Variants in NFATC1 observed in about 807,000 individuals in gnomAD.
The protein encoded by NFATC1 is nuclear factor of activated T cells 1, also known as nuclear factor of activated T-cells, cytoplasmic 1.
NFATC1 carries 22 observed loss-of-function variants against 76.0 expected under a neutral mutation model. The observed-to-expected ratio is 0.29, with a 90% CI of 0.21 to 0.41. NFATC1 has a LOEUF of 0.41. NFATC1 is among the 10% of genes least tolerant of loss of function. NFATC1 has a pLI of 1.00. For synonymous variants in NFATC1, 704 were observed against 613.1 expected, an observed-to-expected ratio of 1.15 and a Z score of -2.19; for missense variants, 1,357 against 1,337.7, an observed-to-expected ratio of 1.01 and a Z score of -0.23.
intron 6 of NFATC1, among the ~76,000 whole-genome samples, chr18:79,456,333 C>T (rs1019109487): frequency 1.3e-5 from 2 of 152,222 alleles, no homozygotes; most frequent in Non-Finnish European, 1.5e-5. Context: ...AGGCAAGGAC[C>T]CTCCTGTCCG....
intron 8 of NFATC1, among the ~76,000 whole-genome samples, chr18:79,483,953 C>T (rs2089418473): frequency 7.0e-6 from 1 of 142,768 alleles, no homozygotes; most frequent in Non-Finnish European, 1.5e-5. Flanking sequence ...CCTGGGGTGT[C>T]ACTCCAGGGT....
At chr18:79,514,564 CAAAAAAAAAAAAAA>C (rs61341859) in intron 9 of NFATC1, among the ~76,000 whole-genome samples, 1 of 47,238 alleles carries the variant, frequency 2.1e-5, no homozygotes, top group Non-Finnish European at 3.4e-5. Flanking sequence ...GACCCTGCCT[CAAAAAAAAAAAAAA>C]AAAAAAAAAA....
At chr18:79,460,345 T>C (rs749047082) in intron 6 of NFATC1, among the ~76,000 whole-genome samples, 14 of 152,256 alleles carry the variant, frequency 9.2e-5, no homozygotes, top group Non-Finnish European at 1.9e-4. Context: ...GAACAGACTT[T>C]ATTTTGGAGA....
chr18:79,400,546 C>A (rs1600574767), intron 1 of NFATC1: 6 of 1,259,308 alleles, frequency 4.8e-6, no homozygotes, highest in South Asian at 2.3e-5. Context: ...CCCAGGCCCC[C>A]TCCGCGTCCT....
In NFATC1 at chr18:79,475,496, G is replaced by A. The variant is rs1480456556; in HGVS notation, c.2092+7914G>A. On this transcript the variant is annotated intron_variant, in intron 8 of 9. Transcript: ENST00000427363. ...GGGTGTTTTCACGCTCACTGTCGACGTTGCGATGGAAGCGTGTTCTCATGC... is the reference window on the plus strand; with the variant it reads ...GGGTGTTTTCACGCTCACTGTCGACATTGCGATGGAAGCGTGTTCTCATGC... Among the ~76,000 whole-genome samples, 5 of 150,536 alleles carry A rather than the reference G, an allele frequency of 3.3e-5. No homozygotes were observed. The South Asian group carries it at 6.3e-4, about 19-fold the overall frequency.
intron 2 of NFATC1, among the ~76,000 whole-genome samples, chr18:79,432,924 TCA>T (rs914262455): frequency 6.6e-6 from 1 of 152,188 alleles, no homozygotes; most frequent in African/African-American, 2.4e-5. Flanking sequence ...CCAGCACCTG[TCA>T]CCCGCCAGGT....
chr18:79,468,913 A>ACCCCCAGGATTGTGGGG (rs1568999909), intron 8 of NFATC1: 1 of 129,884 alleles, frequency 7.7e-6, no homozygotes, highest in African/African-American at 3.7e-5. Context: ...GATTGTGGGG[A>ACCCCCAGGATTGTGGGG]AGAGCCTCAT....
At chr18:79,407,421 T>G (rs1193382332) in intron 1 of NFATC1, among the ~76,000 whole-genome samples, 2 of 152,162 alleles carry the variant, frequency 1.3e-5, no homozygotes, top group Admixed American at 1.3e-4. Context: ...CCTGTGGCTC[T>G]GGGGAAAGAA....
At chr18:79,397,986 C>T (rs528456072) in intron 1 of NFATC1, among the ~76,000 whole-genome samples, 3 of 152,284 alleles carry the variant, frequency 2.0e-5, no homozygotes, top group Non-Finnish European at 4.4e-5. Context: ...ACACACAGGC[C>T]GGCAGCATGG....
chr18:79,458,992 G>T (rs2087903535), intron 6 of NFATC1, among the ~76,000 whole-genome samples: 1 of 152,212 alleles, frequency 6.6e-6, no homozygotes, highest in African/African-American at 2.4e-5. Context: ...CCTCACCCTG[G>T]TCGACCTGAA....
Position 79,410,876 on chromosome 18 carries a change from C to G in NFATC1, c.601C>G (p.Gln201Glu), listed in dbSNP as rs1472963163. The change falls in exon 2 of 10, where the codon CAG becomes GAG. Residue 201 changes from glutamine (Q) to glutamate (E), a missense_variant. This residue lies in a region of NFATC1 where 691 missense variants were observed against 613.1 expected (regional missense o/e 1.13). Transcript: ENST00000427363. The surrounding 1 kb of genome is among the most constrained non-coding windows in gnomAD (Gnocchi z 6.7). ...CTACTCGTACCCGTACGCGTCCCCC[C>G]AGACGTCGCCATGGCAGTCTCCCTG... ...SNYSYPYASP[Q>E]TSPWQSPCVS... is the part of the protein sequence containing the mutation. 31 of 1,609,270 alleles carry G rather than the reference C, an allele frequency of 1.9e-5. No homozygotes were observed. The highest frequency in any genetic ancestry group is 2.6e-5 in the Non-Finnish European group (31 of 1,178,676).
At chr18:79,431,996 C>T (rs553844481) in intron 2 of NFATC1, among the ~76,000 whole-genome samples, 23 of 152,346 alleles carry the variant, frequency 1.5e-4, no homozygotes, top group African/African-American at 4.3e-4. Context: ...CCACCATGCC[C>T]GGCCCTTGTT....
chr18:79,412,657 A>G (rs1600629515), intron 2 of NFATC1, among the ~76,000 whole-genome samples: 1 of 152,094 alleles, frequency 6.6e-6, no homozygotes, highest in Non-Finnish European at 1.5e-5. Context: ...TAGAGCTACA[A>G]GCAGTAACAA....
chr18:79,484,298 C>A (rs908150462), intron 8 of NFATC1, among the ~76,000 whole-genome samples: 3 of 152,086 alleles, frequency 2.0e-5, no homozygotes, highest in African/African-American at 7.2e-5. Context: ...AGGCCTGGCA[C>A]GACCCTCAGC....
intron 9 of NFATC1, among the ~76,000 whole-genome samples, chr18:79,508,640 G>GGTCTGTCTCTTTCTCA (rs2090172739): frequency 6.6e-6 from 1 of 150,722 alleles, no homozygotes; most frequent in Non-Finnish European, 1.5e-5. Context: ...TCTGTCTCTC[G>GGTCTGTCTCTTTCTCA]GTCTGTCTCT....
intron 9 of NFATC1, among the ~76,000 whole-genome samples, chr18:79,493,180 C>T (rs2089741732): frequency 6.6e-6 from 1 of 152,238 alleles, no homozygotes; most frequent in Admixed American, 6.5e-5. Flanking sequence ...AATGTGATCT[C>T]CACGCATTCC....
chr18:79,482,080 G>A (rs2089295584), intron 8 of NFATC1, among the ~76,000 whole-genome samples: 1 of 141,090 alleles, frequency 7.1e-6, no homozygotes, highest in South Asian at 2.3e-4. Flanking sequence ...GCATGACCTG[G>A]TTCCTGAGGT....
rs754937987 is a variant in NFATC1, at chr18:79,411,357, C to A, written c.1082C>A (p.Pro361Gln). The change falls in exon 2 of 10, where the codon CCG becomes CAG. Residue 361 changes from proline to glutamine, a missense_variant. Physicochemically the swap from Pro to Gln is moderately conservative, Grantham distance 76 (BLOSUM62 -1). Around this residue, in one of 3 missense-constraint regions of NFATC1, gnomAD observed 691 missense variants for 613.1 expected, o/e 1.13. Transcript: ENST00000427363. ...GTCGGGGAGGACCTGGGCAGCCCCC[C>A]GCCCCCGGCCGACTTCGCGCCCGAA... The part of the protein sequence containing the change: ...EPVGEDLGSP[P>Q]PPADFAPEDY... 6 of 1,588,066 alleles carry A rather than the reference C, an allele frequency of 3.8e-6. No homozygotes were observed. The highest frequency in any genetic ancestry group is 4.3e-6 in the Non-Finnish European group (5 of 1,169,954).
intron 8 of NFATC1, among the ~76,000 whole-genome samples, chr18:79,483,113 C>A (rs1244203888): frequency 1.1e-5 from 1 of 89,988 alleles, no homozygotes; most frequent in Non-Finnish European, 2.2e-5. Flanking sequence ...TGACCTGGTT[C>A]CTGGGGTGTA....
Sources: gnomAD v4.1 joint callset for allele counts (sites outside exome capture counted in the v4.1 genomes callset) on GRCh38, gnomAD v4.1.1 for gene constraint, gnomAD v4.1.1 regional missense constraint, Gnocchi (gnomAD v3.1) non-coding constraint, MANE v1.5 for transcripts, NCBI Gene and HGNC (gene_info 2026-07-23, HGNC 2026-07-21) for gene names.